TICRR: variants seen among roughly 807,000 people sequenced by gnomAD.
TICRR encodes the protein TOPBP1 interacting checkpoint and replication regulator, also known as treslin.
TICRR carries 132 observed loss-of-function variants against 178.1 expected under a neutral mutation model. The ratio of observed to expected loss-of-function variants is 0.74; its 90% CI spans 0.64 to 0.86. The LOEUF (loss-of-function observed/expected upper bound fraction) is 0.86, where lower values mean the gene tolerates loss of function less well. TICRR is among the 40% of genes least tolerant of loss of function. The pLI, the probability that TICRR is intolerant of heterozygous loss-of-function variation, is 0.00. For missense variants in TICRR, 2,587 were observed against 2,334.3 expected (o/e 1.11, Z -2.23); for synonymous variants, 991 against 900.7 (o/e 1.10, Z -1.79).
intron 5 of TICRR, 60 bp downstream of exon 5, chr15:89,592,236 A>G (rs1962925748): frequency 6.6e-7 from 1 of 1,507,032 alleles, no homozygotes; most frequent in Non-Finnish European, 9.1e-7. Context: ...AGTTATCTGC[A>G]TTTTTTTCTT....
chr15:89,624,833 C>T lies in TICRR; in HGVS notation c.4523C>T (p.Pro1508Leu). ...KSSLSHPGIP[P>L]SPPSCGPGSP... ...TCTCTGTCTCACCCTGGGATTCCCC[C>T]ATCTCCTCCTTCCTGTGGGCCTGGC... The change falls in exon 20 of 22, where the codon CCA (proline) becomes CTA (leucine). Residue 1508 changes from proline to leucine, a missense_variant. Coordinates refer to ENST00000268138, the MANE Select transcript of TICRR (RefSeq NM_152259.4). 6.2e-7 allele frequency: 1 copy of T among 1,614,166 alleles called. No homozygotes were observed. The highest frequency in any genetic ancestry group is 8.5e-7 in the Non-Finnish European group (1 of 1,180,030).
chr15:89,585,464 C>T (rs76719644), intron 3 of TICRR, among the ~76,000 whole-genome samples: 7,691 of 152,170 alleles, frequency 0.051, 608 homozygotes, highest in African/African-American at 0.17. Context: ...ATTCAGTAAG[C>T]ACATAGTAAA....
At chr15:89,605,505 G>A (rs1477103016) in intron 13 of TICRR, among the ~76,000 whole-genome samples, 3 of 151,982 alleles carry the variant, frequency 2.0e-5, no homozygotes, top group Admixed American at 1.3e-4. Flanking sequence ...AGTAGCTGGC[G>A]TGCACCACCA....
rs757288138 is a variant in TICRR at position 89,624,065 on chromosome 15, C to T, written c.3755C>T (p.Pro1252Leu). The part of the protein sequence containing the change: ...TPIRDPLRTP[P>L]RAAAFMGTPQ... Reference sequence around the variant, plus strand: ...ATCAGAGACCCTCTCAGAACACCTCCGAGAGCAGCAGCCTTCATGGGCACG... The same window carrying T: ...ATCAGAGACCCTCTCAGAACACCTCTGAGAGCAGCAGCCTTCATGGGCACG... Residue 1252 changes from proline to leucine, a missense_variant, in exon 20 of 22, where the codon CCG (proline) becomes CTG (leucine). Coordinates refer to ENST00000268138, the MANE Select transcript of TICRR (RefSeq NM_152259.4). The T allele has an allele frequency of 5.2e-5, 84 of 1,613,878 alleles. No homozygotes were observed. The highest frequency in any genetic ancestry group is 6.3e-5 in the Non-Finnish European group (74 of 1,180,016).
intron 15 of TICRR, among the ~76,000 whole-genome samples, chr15:89,610,436 A>C (rs1399937449): frequency 3.9e-5 from 6 of 152,220 alleles, no homozygotes; most frequent in Admixed American, 2.0e-4. Flanking sequence ...TTGATCAATT[A>C]AACTTCTTAC....
At chr15:89,613,350 ATCT>A (rs1160606692) in intron 15 of TICRR, among the ~76,000 whole-genome samples, 2 of 151,982 alleles carry the variant, frequency 1.3e-5, no homozygotes, top group East Asian at 1.9e-4. Flanking sequence ...TTCTTTCAAG[ATCT>A]TCTTTTTTTC....
Position 89,601,213 on chromosome 15 carries a change from A to T in TICRR, c.2154-85A>T. 6 of 1,192,332 alleles carry T rather than the reference A, an allele frequency of 5.0e-6. No individual in the cohort carries two copies. The South Asian group carries it at 7.0e-5, about 14-fold the overall frequency. 73.9% of individuals were successfully genotyped at this position (1,192,332 alleles called of 1,614,324 possible). On this transcript the variant is annotated intron_variant, in intron 9 of 21. Transcript: ENST00000268138. ...TCCTCCTTTTTGGTTGTTGTGTCTT[A>T]TATAAATAGATCTATGCTTACGGAA...
intron 11 of TICRR, 59 bp from the exon 12 acceptor site, chr15:89,601,678 G>T (rs1457848496): frequency 6.2e-7 from 1 of 1,611,674 alleles, no homozygotes; most frequent in Non-Finnish European, 8.5e-7. Context: ...GCTGGGTGAG[G>T]GAGGGAATAG....
intron 1 of TICRR, among the ~76,000 whole-genome samples, chr15:89,580,677 A>G (rs1354950138): frequency 6.6e-6 from 1 of 152,208 alleles, no homozygotes; most frequent in Non-Finnish European, 1.5e-5. Context: ...AATGCTGATC[A>G]TAAACCACTC....
At chr15:89,576,842 T>TACAC (rs1962628470) in intron 1 of TICRR, among the ~76,000 whole-genome samples, 2 of 140,882 alleles carry the variant, frequency 1.4e-5, no homozygotes, top group African/African-American at 5.4e-5. Flanking sequence ...TATATATATA[T>TACAC]ATATATATAT....
intron 15 of TICRR, among the ~76,000 whole-genome samples, chr15:89,609,821 G>GTTTT (rs1963231079): frequency 6.6e-6 from 1 of 151,540 alleles, no homozygotes; most frequent in Non-Finnish European, 1.5e-5. Flanking sequence ...CCCTCTATTG[G>GTTTT]CTTTGGTTTT....
intron 6 of TICRR, among the ~76,000 whole-genome samples, chr15:89,594,863 G>C (rs910916277): frequency 7.2e-5 from 11 of 152,026 alleles, no homozygotes; most frequent in Admixed American, 4.6e-4. Context: ...CCATCTCATT[G>C]CTTAACTAAA....
At chr15:89,592,773 G>A (rs1962934174) in intron 5 of TICRR, among the ~76,000 whole-genome samples, 1 of 152,136 alleles carries the variant, frequency 6.6e-6, no homozygotes, top group Non-Finnish European at 1.5e-5. Flanking sequence ...AAACGATATG[G>A]CAGAAATTCA....
In TICRR at chr15:89,625,755, C is replaced by T; in HGVS notation, c.5445C>T (p.Pro1815=). ...CAAGTTGGAGTGCATGGCAGCTACC[C>T]TCCACGGGAGACGAAGAGGTGTTTG... ...GSPSWSAWQL[P]STGDEEVFVS... is the part of the protein sequence containing the mutation. Residue 1815 remains proline, a synonymous_variant, in exon 20 of 22, where the codon CCC becomes CCT. Transcript: ENST00000268138. The T allele has an allele frequency of 6.2e-7, 1 of 1,608,558 alleles. No homozygotes were observed. The highest frequency in any genetic ancestry group is 8.5e-7 in the Non-Finnish European group (1 of 1,176,900).
At chr15:89,591,968 G>A in intron 4 of TICRR, 79 bp from the exon 5 acceptor site, 1 of 1,389,120 alleles carries the variant, frequency 7.2e-7, no homozygotes, top group Admixed American at 2.0e-5. Context: ...TCAGTCCAGG[G>A]GAGGAGCAAG....
At chr15:89,621,180 C>T (rs1340759754) in intron 18 of TICRR, among the ~76,000 whole-genome samples, 2 of 152,054 alleles carry the variant, frequency 1.3e-5, no homozygotes, top group Non-Finnish European at 2.9e-5. Context: ...CCACCACGCC[C>T]AGCTAATTTT....
At chr15:89,603,527 A>G (rs1963129364) in intron 13 of TICRR, among the ~76,000 whole-genome samples, 1 of 152,242 alleles carries the variant, frequency 6.6e-6, no homozygotes, top group Admixed American at 6.5e-5. Context: ...CAAAGCTGCA[A>G]TGAGCTATGG....
intron 4 of TICRR, 88 bp from the exon 5 acceptor site, chr15:89,591,959 C>A: frequency 8.3e-7 from 1 of 1,205,386 alleles, no homozygotes; most frequent in Non-Finnish European, 1.2e-6. Context: ...GGGATGCAGT[C>A]AGTCCAGGGG....
At position 89,624,827 on chromosome 15, in the gene TICRR, T is replaced by C; in HGVS notation, c.4517T>C (p.Ile1506Thr). ...AEKSSLSHPG[I>T]PPSPPSCGPG... ...AAGTCTTCTCTGTCTCACCCTGGGA[T>C]TCCCCCATCTCCTCCTTCCTGTGGG... Residue 1506 changes from isoleucine to threonine, a missense_variant, in exon 20 of 22, where the codon ATT becomes ACT. Ile to Thr is a moderately conservative substitution (Grantham distance 89). Coordinates refer to ENST00000268138, the MANE Select transcript of TICRR (RefSeq NM_152259.4). 6.2e-7 allele frequency: 1 copy of C among 1,614,158 alleles called. No individual in the cohort carries two copies. The highest frequency in any genetic ancestry group is 8.5e-7 in the Non-Finnish European group (1 of 1,180,028).
Sources: allele counts gnomAD v4.1 joint callset (sites outside exome capture counted in the v4.1 genomes callset), GRCh38; gene constraint gnomAD v4.1.1; transcripts MANE v1.5; gene names NCBI Gene and HGNC (gene_info 2026-07-23, HGNC 2026-07-21).